The following TRIP4 variants were observed in gnomAD, a reference collection of about 807,000 sequenced individuals.
The protein encoded by TRIP4 is thyroid hormone receptor interactor 4, also known as activating signal cointegrator 1.
Under a neutral mutation model 81.8 loss-of-function variants are expected in TRIP4, and 54 were observed. The observed-to-expected ratio is 0.66, with a 90% CI of 0.53 to 0.83. The LOEUF (loss-of-function observed/expected upper bound fraction) is 0.83. Ranked by LOEUF, TRIP4 falls within the 40% of genes least tolerant of loss-of-function variation. The probability of loss-of-function intolerance (pLI) is 0.00; values close to 1 mark genes in which losing one functional copy is unlikely to be tolerated. For synonymous variants in TRIP4, 270 were observed against 242.8 expected (o/e 1.11, Z -1.04); for missense variants, 662 against 683.6 (o/e 0.97, Z 0.35).
At position 64,455,217 on chromosome 15, in the gene TRIP4, T is replaced by A; in HGVS notation, c.*153T>A. On this transcript the variant is annotated 3_prime_UTR_variant, in exon 13 of 13. Transcript: ENST00000261884. ...AAACTCTTACCAAAATCTGTATATT[T>A]TTCTTAAGGAGTGGGATTCCTACTT... 1 of 557,834 alleles carries A rather than the reference T, an allele frequency of 1.8e-6. No homozygotes were observed. The allele number at this position is 557,834 out of a possible 1,614,324, so 34.6% of individuals were successfully genotyped here. A position where few individuals can be genotyped will look rare whatever the true frequency, so the allele number is the denominator to read the frequency against.
rs1403793884 is a variant in TRIP4 at position 64,453,323 on chromosome 15, T to C, written c.1679-1674T>C. On this transcript the variant is annotated intron_variant, in intron 12 of 12. Transcript: ENST00000261884. ...CCACCACCTTTACAATCTGTACTCT[T>C]ACATTTGTCTGATATCTGCTATTTG... 2.6e-5 allele frequency among the ~76,000 whole-genome samples: 4 copies of C among 152,380 alleles called. No homozygotes were observed. The East Asian group carries it at 7.7e-4, about 29-fold the overall frequency.
At chr15:64,397,433 C>G (rs1947819043) in intron 3 of TRIP4, among the ~76,000 whole-genome samples, 173 bp from the exon 4 acceptor site, 1 of 152,194 alleles carries the variant, frequency 6.6e-6, no homozygotes, top group Admixed American at 6.5e-5. Context: ...TAGAGTATAA[C>G]CTTTCCTCAG....
chr15:64,405,450 G>A (rs749641940), intron 5 of TRIP4, among the ~76,000 whole-genome samples: 1 of 152,094 alleles, frequency 6.6e-6, no homozygotes, highest in South Asian at 2.1e-4. Context: ...CACTGCACCC[G>A]GCCACTGGTC....
Position 64,409,673 on chromosome 15 carries a change from A to G in TRIP4, c.888A>G (p.Gln296=), listed in dbSNP as rs1320679870. The G allele has an allele frequency of 1.2e-6, 2 of 1,614,194 alleles. No homozygotes were observed. Among genetic ancestry groups the G allele is most frequent in the Admixed American group, 1.7e-5 (1 of 60,024 alleles). Residue 296 remains glutamine (Q), a synonymous_variant, in exon 7 of 13, where the codon CAA becomes CAG. Transcript: ENST00000261884. ...ATTACTTTGCCAGTGATTCTAACCAATGGTTGTCCAAACTTGAGCGGGAAA... is the reference window on the plus strand; with the variant it reads ...ATTACTTTGCCAGTGATTCTAACCAGTGGTTGTCCAAACTTGAGCGGGAAA... ...ESDYFASDSN[Q]WLSKLERETL... is the part of the protein sequence containing the mutation.
In TRIP4 at chr15:64,397,815, T is replaced by C. The variant is rs1900338357; in HGVS notation, c.615T>C (p.Thr205=). The C allele has an allele frequency of 2.5e-6, 4 of 1,613,972 alleles. No individual in the cohort carries two copies. Among genetic ancestry groups the C allele is most frequent in the African/African-American group, 2.7e-5 (2 of 75,034 alleles). The change falls in exon 4 of 13, where the codon ACT becomes ACC. Residue 205 remains threonine (T), a synonymous_variant. Coordinates refer to ENST00000261884, the MANE Select transcript of TRIP4 (RefSeq NM_016213.5). The stretch of plus-strand genomic sequence containing the variant: ...CAGGCCCTTGCTTATTCTGTGGCAC[T>C]CTGGTAAATTATTTCTTTTCTATTT... ...EGSGPCLFCG[T]LVCTHEEQDI...
At chr15:64,448,610 C>A (rs563563520) in intron 12 of TRIP4, among the ~76,000 whole-genome samples, 1 of 152,180 alleles carries the variant, frequency 6.6e-6, no homozygotes, top group South Asian at 2.1e-4. Context: ...ACCACAGGCA[C>A]GCGCCTCCAT....
intron 11 of TRIP4, among the ~76,000 whole-genome samples, chr15:64,426,324 G>T (rs1339194931): frequency 6.6e-6 from 1 of 152,090 alleles, no homozygotes; most frequent in Admixed American, 6.6e-5. Flanking sequence ...TTGGGAGGAG[G>T]TATGTGTATT....
At chr15:64,440,260 T>C (rs1185575116) in intron 11 of TRIP4, among the ~76,000 whole-genome samples, 7 of 151,898 alleles carry the variant, frequency 4.6e-5, no homozygotes, top group African/African-American at 1.7e-4. Context: ...AAATATAAAA[T>C]AAAATGTGAC....
At chr15:64,413,485 G>C (rs1265560588) in intron 7 of TRIP4, among the ~76,000 whole-genome samples, 1 of 152,126 alleles carries the variant, frequency 6.6e-6, no homozygotes, top group Non-Finnish European at 1.5e-5. Context: ...CCTCTAGGCA[G>C]CTTTTCTGGT....
At chr15:64,428,039 C>T (rs940024954) in intron 11 of TRIP4, among the ~76,000 whole-genome samples, 5 of 151,880 alleles carry the variant, frequency 3.3e-5, no homozygotes, top group African/African-American at 7.3e-5. Context: ...GATTCACAGT[C>T]GTTAACAGCT....
intron 5 of TRIP4, among the ~76,000 whole-genome samples, chr15:64,403,199 C>T (rs191303123): frequency 8.9e-4 from 134 of 151,246 alleles, no homozygotes; most frequent in African/African-American, 2.8e-3. Flanking sequence ...CTCTTTCGCC[C>T]GGGCTGGAGT....
intron 11 of TRIP4, 22 bp from the exon 12 acceptor site, chr15:64,444,984 T>C (rs1566985789): frequency 3.7e-6 from 5 of 1,369,394 alleles, no homozygotes; most frequent in Non-Finnish European, 5.1e-6. Context: ...TATCCTGAAC[T>C]TTTTATTTTT....
At chr15:64,388,191 C>A in intron 1 of TRIP4, 1 of 680,866 alleles carries the variant, frequency 1.5e-6, no homozygotes, top group Non-Finnish European at 2.1e-6. Context: ...GGGAAGACGC[C>A]CAATCTGTAA....
At chr15:64,404,035 C>T (rs1891570097) in intron 5 of TRIP4, among the ~76,000 whole-genome samples, 1 of 151,752 alleles carries the variant, frequency 6.6e-6, no homozygotes, top group Non-Finnish European at 1.5e-5. Context: ...CTACCAAAAA[C>T]ACAAAATTAG....
chr15:64,438,545 C>G (rs763326586), intron 11 of TRIP4, among the ~76,000 whole-genome samples: 2 of 152,126 alleles, frequency 1.3e-5, no homozygotes, highest in Non-Finnish European at 2.9e-5. Flanking sequence ...TCTCGAACTC[C>G]CAACCTCAGG....
intron 1 of TRIP4, among the ~76,000 whole-genome samples, chr15:64,391,563 A>T (rs1276338759): frequency 1.3e-5 from 2 of 152,200 alleles, no homozygotes; most frequent in African/African-American, 4.8e-5. Context: ...TTTTGATAAG[A>T]TTTGGTATAT....
chr15:64,399,776 C>T (rs1440069244), intron 4 of TRIP4, among the ~76,000 whole-genome samples: 1 of 152,038 alleles, frequency 6.6e-6, no homozygotes, highest in Non-Finnish European at 1.5e-5. Context: ...GCTGGGATTA[C>T]AGGCATGAGC....
chr15:64,428,260 G>A (rs1892192978), intron 11 of TRIP4, among the ~76,000 whole-genome samples: 1 of 152,170 alleles, frequency 6.6e-6, no homozygotes, highest in East Asian at 1.9e-4. Flanking sequence ...ACAAATTTGT[G>A]TAGAGAAGGG....
At position 64,395,586 on chromosome 15, in the gene TRIP4, A is replaced by G. The variant is rs201613044; in HGVS notation, c.405+55A>G. On this transcript the variant is annotated intron_variant, in intron 3 of 12. Coordinates refer to ENST00000261884, the MANE Select transcript of TRIP4 (RefSeq NM_016213.5). Reference sequence around the variant, plus strand: ...GACTATTGGAGAAGAGGAAGTGACTAATACATTTCAGAGAGCAAAGTGTAC... The same window carrying G: ...GACTATTGGAGAAGAGGAAGTGACTGATACATTTCAGAGAGCAAAGTGTAC... 4.7e-5 allele frequency: 73 copies of G among 1,548,144 alleles called. 1 individual carries two copies. The East Asian group carries it at 1.6e-3, about 34-fold the overall frequency.
Sources: allele counts gnomAD v4.1 joint callset (sites outside exome capture counted in the v4.1 genomes callset), GRCh38; gene constraint gnomAD v4.1.1; transcripts MANE v1.5; gene names NCBI Gene and HGNC (gene_info 2026-07-23, HGNC 2026-07-21).